WDFY4: variants seen among roughly 807,000 people sequenced by gnomAD.
WDFY4 encodes WDFY family member 4.
WDFY4 carries 169 observed loss-of-function variants against 351.9 expected under a neutral mutation model. The ratio of observed to expected loss-of-function variants is 0.48; its 90% CI spans 0.42 to 0.55. The LOEUF (loss-of-function observed/expected upper bound fraction) is 0.55. Among genes scored for constraint, WDFY4 ranks in the 20% least tolerant of loss-of-function variants. WDFY4 has a pLI of 0.00. For synonymous variants in WDFY4, 1,622 were observed against 1,574.6 expected (o/e 1.03, Z -0.71); for missense variants, 3,803 against 3,935.6 (o/e 0.97, Z 0.90).
Position 48,982,611 on chromosome 10 carries a change from G to A in WDFY4, c.*36G>A. The A allele has an allele frequency of 6.5e-7, 1 of 1,545,166 alleles. No individual in the cohort carries two copies. The highest frequency in any genetic ancestry group is 1.2e-5 in the South Asian group (1 of 83,796). ...GCAGCAGAGGCTCTGGCACAACAGT[G>A]CCAGGCTGAGGGTGGCAGAGGTGAC... is the stretch of plus-strand genomic sequence containing the variant. On this transcript the variant is annotated 3_prime_UTR_variant, in exon 62 of 62. Transcript: ENST00000325239.
intron 2 of WDFY4, among the ~76,000 whole-genome samples, chr10:48,716,705 C>T (rs1001781541): frequency 1.3e-5 from 2 of 152,192 alleles, no homozygotes; most frequent in African/African-American, 4.8e-5. Context: ...GCCCAATTTG[C>T]TTTATTGTGG....
intron 24 of WDFY4, chr10:48,802,799 TAC>T (rs1199563042): frequency 2.1e-6 from 1 of 472,788 alleles, no homozygotes. Context: ...ATGTAGTCAG[TAC>T]AGTGTAAAAC....
At chr10:48,879,037 A>T (rs17772255) in intron 43 of WDFY4, among the ~76,000 whole-genome samples, 1 of 152,226 alleles carries the variant, frequency 6.6e-6, no homozygotes, top group Non-Finnish European at 1.5e-5. Context: ...GTTGCTGAGG[A>T]CTAACGGCAG....
chr10:48,844,574 A>C (rs1297136574), intron 39 of WDFY4, among the ~76,000 whole-genome samples: 1 of 152,116 alleles, frequency 6.6e-6, no homozygotes, highest in East Asian at 1.9e-4. Context: ...CCTAGGTGAC[A>C]ACAGCAAAAC....
rs141466331 is a variant in WDFY4 at position 48,876,911 on chromosome 10, C to A, written c.7001-122C>A. On this transcript the variant is annotated intron_variant, in intron 42 of 61. Coordinates refer to ENST00000325239, the MANE Select transcript of WDFY4 (RefSeq NM_001394531.1). ...GTGGAGGGGCACAGTGAGAGATCCA[C>A]GCTCTTCACTTCGGCCCTGGAGCCT... is the stretch of plus-strand genomic sequence containing the variant. 3.0e-3 allele frequency: 2,974 copies of A among 982,612 alleles called. 11 individuals carry two copies. The highest frequency in any genetic ancestry group is 3.6e-3 in the Non-Finnish European group (2,561 of 709,650). 60.9% of individuals were successfully genotyped at this position (982,612 alleles called of 1,614,324 possible).
rs144539363 is a variant in WDFY4 at position 48,704,735 on chromosome 10, G to T, written c.-17-4981G>T. Among the ~76,000 whole-genome samples the T allele has an allele frequency of 4.6e-3, 703 of 152,314 alleles. 2 individuals carry two copies. Among genetic ancestry groups the T allele is most frequent in the Non-Finnish European group, 6.5e-3 (440 of 68,034 alleles). ...GCTGTCCACAGACCTGGGGGCTTCT[G>T]CTCTGGTCACCGACTGGCGAAGGGA... On this transcript the variant is annotated intron_variant, in intron 1 of 61. Coordinates refer to ENST00000325239, the MANE Select transcript of WDFY4 (RefSeq NM_001394531.1).
chr10:48,790,581 C>G (rs1476210661), intron 22 of WDFY4, 146 bp from the exon 23 acceptor site: 1 of 876,994 alleles, frequency 1.1e-6, no homozygotes. Flanking sequence ...TGCTCTTCCC[C>G]CCAGCCTGTC....
At chr10:48,800,181 G>C (rs993887758) in intron 24 of WDFY4, among the ~76,000 whole-genome samples, 2 of 152,234 alleles carry the variant, frequency 1.3e-5, no homozygotes, top group Non-Finnish European at 2.9e-5. Flanking sequence ...ACCGCGCCCA[G>C]CCGGTTTCGT....
At position 48,821,077 on chromosome 10, in the gene WDFY4, G is replaced by A. The variant is rs2067808196; in HGVS notation, c.5725G>A (p.Ala1909Thr). 6.4e-6 allele frequency: 10 copies of A among 1,551,554 alleles called. No homozygotes were observed. Among genetic ancestry groups the A allele is most frequent in the East Asian group, 2.4e-5 (1 of 40,920 alleles). Residue 1909 changes from alanine to threonine, a missense_variant, in exon 34 of 62, where the codon GCC (alanine) becomes ACC (threonine). Around this residue, in one of 3 missense-constraint regions of WDFY4, gnomAD observed 3,054 missense variants for 3,148.6 expected, o/e 0.97. Transcript: ENST00000325239. Reference sequence around the variant, plus strand: ...GTGCTTCCAGGCTTCTCCAGACCACGCCACCAGCCAACAGAAGCGAGACTT... The same window carrying A: ...GTGCTTCCAGGCTTCTCCAGACCACACCACCAGCCAACAGAAGCGAGACTT... ...EVLLEASPDH[A>T]TSQQKRDFQS...
At chr10:48,961,485 A>T (rs1841858306) in intron 53 of WDFY4, among the ~76,000 whole-genome samples, 2 of 152,232 alleles carry the variant, frequency 1.3e-5, no homozygotes, top group Admixed American at 1.3e-4. Flanking sequence ...AACACCCAGA[A>T]AGGTGAGGAG....
At chr10:48,687,525 C>T (rs192787405) in intron 1 of WDFY4, among the ~76,000 whole-genome samples, 6 of 151,600 alleles carry the variant, frequency 4.0e-5, no homozygotes, top group African/African-American at 7.3e-5. Context: ...TTGTGTATGG[C>T]GTGAGGTGGG....
At chr10:48,835,906 G>A (rs1485190477) in intron 39 of WDFY4, among the ~76,000 whole-genome samples, 1 of 152,168 alleles carries the variant, frequency 6.6e-6, no homozygotes, top group Non-Finnish European at 1.5e-5. Flanking sequence ...TCTTGTACTG[G>A]TAACTAAGTC....
At chr10:48,698,419 T>G (rs1180271843) in intron 1 of WDFY4, among the ~76,000 whole-genome samples, 1 of 152,194 alleles carries the variant, frequency 6.6e-6, no homozygotes, top group Admixed American at 6.5e-5. Flanking sequence ...GGGCCTTGCC[T>G]GTGCAGATCA....
At chr10:48,870,935 T>C (rs944548176) in intron 40 of WDFY4, among the ~76,000 whole-genome samples, 14 of 127,400 alleles carry the variant, frequency 1.1e-4, no homozygotes, top group Admixed American at 2.3e-4. Context: ...GGGGTGGATA[T>C]GCGTTCTTTT....
Position 48,873,649 on chromosome 10 carries a change from C to T in WDFY4, c.6900C>T (p.Arg2300=), listed in dbSNP as rs931924379. The T allele has an allele frequency of 1.7e-5, 26 of 1,551,732 alleles. No individual in the cohort carries two copies. The highest frequency in any genetic ancestry group is 2.0e-5 in the Non-Finnish European group (23 of 1,147,020). ...WREGPARMRK[R]IKRLSPLEAL... ...AAGGACCAGCTCGAATGAGGAAACGCATCAAACGCTTGTCTCCTTTGGAGG... is the reference window on the plus strand; with the variant it reads ...AAGGACCAGCTCGAATGAGGAAACGTATCAAACGCTTGTCTCCTTTGGAGG... Residue 2300 remains arginine, a synonymous_variant, in exon 41 of 62, where the codon CGC becomes CGT. Coordinates refer to ENST00000325239, the MANE Select transcript of WDFY4 (RefSeq NM_001394531.1).
intron 10 of WDFY4, 47 bp from the exon 11 acceptor site, chr10:48,735,833 C>T: frequency 1.4e-6 from 2 of 1,473,072 alleles, no homozygotes; most frequent in Non-Finnish European, 9.2e-7. Flanking sequence ...ACTGAAGTGG[C>T]AAGCTTCCCC....
At chr10:48,750,708 G>A (rs1198758103) in intron 12 of WDFY4, among the ~76,000 whole-genome samples, 2 of 152,254 alleles carry the variant, frequency 1.3e-5, no homozygotes, top group Non-Finnish European at 2.9e-5. Flanking sequence ...ACCAGGATAT[G>A]TATTAAAATG....
At chr10:48,864,538 T>A (rs187452593) in intron 39 of WDFY4, among the ~76,000 whole-genome samples, 9 of 152,344 alleles carry the variant, frequency 5.9e-5, no homozygotes, top group South Asian at 4.1e-4. Flanking sequence ...TTCTTTATTT[T>A]GTTAAAGATT....
At chr10:48,927,287 G>T (rs1234395720) in intron 47 of WDFY4, among the ~76,000 whole-genome samples, 2 of 152,070 alleles carry the variant, frequency 1.3e-5, no homozygotes, top group African/African-American at 2.4e-5. Flanking sequence ...TCATGCCCGT[G>T]TCTTCATAAA....
Sources: gnomAD v4.1 joint callset for allele counts (sites outside exome capture counted in the v4.1 genomes callset) on GRCh38, gnomAD v4.1.1 for gene constraint, gnomAD v4.1.1 regional missense constraint, MANE v1.5 for transcripts, NCBI Gene and HGNC (gene_info 2026-07-23, HGNC 2026-07-21) for gene names.